Variants in DDX3X observed in about 807,000 individuals in gnomAD.
The protein encoded by DDX3X is DEAD-box helicase 3 X-linked.
DDX3X carries 4 observed loss-of-function variants against 52.7 expected under a neutral mutation model. That is an observed-to-expected ratio of 0.08 (90% CI 0.04 to 0.17). DDX3X has a LOEUF of 0.17. Among genes scored for constraint, DDX3X ranks in the 10% least tolerant of loss-of-function variants. The pLI is 1.00. For synonymous variants in DDX3X, 192 were observed against 178.1 expected (o/e 1.08, Z -0.62); for missense variants, 222 against 548.6 (o/e 0.40, Z 5.95).
rs776128256 is a variant in DDX3X, at chrX:41,342,571, C to T, written c.361C>T (p.Arg121Cys). The change falls in exon 5 of 17, where the codon CGT (arginine) becomes TGT (cysteine). Residue 121 changes from arginine to cysteine, a missense_variant. This residue lies in a region of DDX3X where 93 missense variants were observed against 123.7 expected (regional missense o/e 0.75). Transcript: ENST00000644876. ...GDRSGFGKFE[R>C]GGNSRWCDKS... Reference sequence around the variant, plus strand: ...CAGAAGTGGCTTTGGCAAATTTGAACGTGGTGGAAACAGTCGCTGGTGTGA... The same window carrying T: ...CAGAAGTGGCTTTGGCAAATTTGAATGTGGTGGAAACAGTCGCTGGTGTGA... 3 of 1,209,951 alleles carry T rather than the reference C, an allele frequency of 2.5e-6. No individual in the cohort carries two copies. Among genetic ancestry groups the T allele is most frequent in the Non-Finnish European group, 3.4e-6 (3 of 895,136 alleles).
intron 5 of DDX3X, among the ~76,000 whole-genome samples, chrX:41,358,518 C>T (rs183430450): frequency 1.5e-4 from 17 of 111,962 alleles, no homozygotes; most frequent in Admixed American, 2.9e-4. Context: ...TTTGGAGTTA[C>T]TTGAATATTA....
At position 41,346,418 on chromosome X, in the gene DDX3X, TA is replaced by T; in HGVS notation, c.1497+11del. ...ATTTTAGTGGCTACAGCAGTATGTA[TA>T]AACATCTTTCTTTTATTCAAATTGA... On this transcript the variant is annotated intron_variant, in intron 13 of 16. Coordinates refer to ENST00000644876, the MANE Select transcript of DDX3X (RefSeq NM_001356.5). The T allele has an allele frequency of 5.0e-6, 6 of 1,205,588 alleles. No individual in the cohort carries two copies. Among genetic ancestry groups the T allele is most frequent in the Non-Finnish European group, 6.7e-6 (6 of 891,836 alleles).
intron 1 of DDX3X, chrX:41,334,562 A>C (rs1033624794): frequency 2.8e-6 from 3 of 1,082,477 alleles, no homozygotes; most frequent in African/African-American, 1.9e-5. Flanking sequence ...GCGGAGGGGG[A>C]GGAAGTGCGC....
intron 1 of DDX3X, 31 bp downstream of exon 1, chrX:41,334,328 G>A (rs2063722656): frequency 8.3e-7 from 1 of 1,206,099 alleles, no homozygotes; most frequent in Non-Finnish European, 1.1e-6. Context: ...CGGGCTGGCT[G>A]CTGCGTGAAT....
At chrX:41,351,810 A>G (rs1262558847), downstream of DDX3X, 1 of 110,160 alleles carries the variant, frequency 9.1e-6, no homozygotes, top group Non-Finnish European at 1.9e-5. Context: ...TTCTCTACAT[A>G]CACTTGACTG....
intron 2 of DDX3X, chrX:41,338,091 G>A (rs1475652362): frequency 1.8e-5 from 2 of 111,200 alleles, no homozygotes; most frequent in Non-Finnish European, 3.8e-5. Context: ...AAAGGCATTA[G>A]AAAAGTTGCT....
At chrX:41,354,828 G>T (rs912975771), downstream of DDX3X, among the ~76,000 whole-genome samples, 3 of 109,187 alleles carry the variant, frequency 2.7e-5, no homozygotes, top group African/African-American at 1.0e-4. Context: ...TAGTTTTGTT[G>T]TTGTTGTTGT....
downstream of DDX3X, among the ~76,000 whole-genome samples, chrX:41,354,932 A>C (rs1810541818): frequency 9.1e-6 from 1 of 109,557 alleles, no homozygotes; most frequent in African/African-American, 3.3e-5. Flanking sequence ...TCCAGGGTTC[A>C]AGCAATTCTC....
At chrX:41,361,953 C>T (rs1464126355) in intron 5 of DDX3X, among the ~76,000 whole-genome samples, 1 of 111,028 alleles carries the variant, frequency 9.0e-6, no homozygotes, top group Non-Finnish European at 1.9e-5. Context: ...CCTAGTCACT[C>T]AGGTCAAAGC....
chrX:41,358,353 G>T (rs1265008464), intron 5 of DDX3X, among the ~76,000 whole-genome samples: 3 of 110,437 alleles, frequency 2.7e-5, no homozygotes, highest in Non-Finnish European at 5.7e-5. Flanking sequence ...TGGGATTACA[G>T]GTGTGAGCCA....
chrX:41,339,019 T>A lies in DDX3X; in HGVS notation c.104-17T>A. ...TTTGGCATTTAATTAATTTTATATA[T>A]ATATATATTTTTTTAGAAGGGCGCT... On this transcript the variant is annotated splice_polypyrimidine_tract_variant and intron_variant, in intron 2 of 16. Coordinates refer to ENST00000644876, the MANE Select transcript of DDX3X (RefSeq NM_001356.5). 3.7e-6 allele frequency: 3 copies of A among 813,974 alleles called. No homozygotes were observed. The highest frequency in any genetic ancestry group is 4.8e-6 in the Non-Finnish European group (3 of 618,753). The allele number at this position is 813,974 out of a possible 1,213,427, so 67.1% of individuals were successfully genotyped here.
intron 8 of DDX3X, 102 bp downstream of exon 8, chrX:41,343,924 T>G: frequency 9.9e-7 from 1 of 1,005,469 alleles, no homozygotes; most frequent in Admixed American, 2.7e-5. Flanking sequence ...GAAAACCAGT[T>G]TTCAAGTGTA....
At position 41,347,230 on chromosome X, in the gene DDX3X, A is replaced by G. The variant is rs928417011; in HGVS notation, c.1770-82A>G. 4.7e-6 allele frequency: 5 copies of G among 1,070,623 alleles called. No homozygotes were observed. The East Asian group carries it at 1.2e-4, about 26-fold the overall frequency. The allele number at this position is 1,070,623 out of a possible 1,213,427, so 88.2% of individuals were successfully genotyped here. On this transcript the variant is annotated intron_variant, in intron 15 of 16. Transcript: ENST00000644876. ...GGGGAATTGTTTGAATGGAAAAATT[A>G]GAAATTGGTCATTAGGAAAGAGTTA...
chrX:41,356,454 CTTTTTTTT>C (rs760583439), intron 5 of DDX3X, among the ~76,000 whole-genome samples: 4 of 65,654 alleles, frequency 6.1e-5, no homozygotes, highest in African/African-American at 2.7e-4. Flanking sequence ...GCCAGTATTT[CTTTTTTTT>C]TTTTTTTTTT....
Position 41,342,605 on chromosome X carries a change from A to G in DDX3X, c.395A>G (p.Asp132Gly). The change falls in exon 5 of 17, where the codon GAT (aspartate) becomes GGT (glycine). Residue 132 changes from aspartate (D) to glycine (G), a missense_variant. Coordinates refer to ENST00000644876, the MANE Select transcript of DDX3X (RefSeq NM_001356.5). ...GGNSRWCDKS[D>G]EDDWSKPLPP... is the part of the protein sequence containing the mutation. ...AACAGTCGCTGGTGTGACAAATCAG[A>G]TGAAGATGATTGGTCAAAACCACTC... 8.3e-7 allele frequency: 1 copy of G among 1,211,986 alleles called. No individual in the cohort carries two copies. The highest frequency in any genetic ancestry group is 1.1e-6 in the Non-Finnish European group (1 of 895,497).
In DDX3X at chrX:41,345,490, A is replaced by G. The variant is rs1435476027; in HGVS notation, c.1257A>G (p.Val419=). ...CCTCTGAAAACATCACACAGAAAGT[A>G]GTTTGGGTGGAAGAATCAGACAAAC... ...GSTSENITQK[V]VWVEESDKRS... is the part of the protein sequence containing the mutation. Residue 419 remains valine (V), a synonymous_variant, in exon 12 of 17, where the codon GTA becomes GTG. Coordinates refer to ENST00000644876, the MANE Select transcript of DDX3X (RefSeq NM_001356.5). 1 of 1,208,575 alleles carries G rather than the reference A, an allele frequency of 8.3e-7. No homozygotes were observed. The highest frequency in any genetic ancestry group is 1.8e-5 in the African/African-American group (1 of 57,047).
chrX:41,336,500 C>T (rs1413511081), intron 1 of DDX3X: 1 of 111,729 alleles, frequency 9.0e-6, no homozygotes, highest in East Asian at 2.8e-4. Context: ...TACTTCAGGC[C>T]GGGCTCATGC....
chrX:41,351,516 C>T (rs1265255328), downstream of DDX3X: 1 of 111,335 alleles, frequency 9.0e-6, no homozygotes, highest in African/African-American at 3.3e-5. Context: ...CTCTTTAGAG[C>T]ACAGTGACTT....
intron 12 of DDX3X, 38 bp from the exon 13 acceptor site, chrX:41,346,191 C>T (rs1192388372): frequency 2.9e-5 from 33 of 1,146,337 alleles, no homozygotes; most frequent in Non-Finnish European, 3.8e-5. Flanking sequence ...AGAACTAAGC[C>T]ATGTTAGTGA....
Sources: allele counts gnomAD v4.1 joint callset (sites outside exome capture counted in the v4.1 genomes callset), GRCh38; gene constraint gnomAD v4.1.1; regional missense constraint gnomAD v4.1.1; transcripts MANE v1.5; gene names NCBI Gene and HGNC (gene_info 2026-07-23, HGNC 2026-07-21).